Variants in RDH12 observed in about 807,000 individuals in gnomAD.
RDH12 encodes the protein retinol dehydrogenase 12.
A neutral mutation model predicts 34.0 loss-of-function variants in RDH12; 21 were observed. That is an observed-to-expected ratio of 0.62 (90% CI 0.44 to 0.89). The LOEUF (loss-of-function observed/expected upper bound fraction) is 0.89. Among genes scored for constraint, RDH12 ranks in the 40% least tolerant of loss-of-function variants. The pLI, the probability that RDH12 is intolerant of heterozygous loss-of-function variation, is 0.00. For missense variants in RDH12, 394 were observed against 398.6 expected, an observed-to-expected ratio of 0.99 and a Z score of 0.10; for synonymous variants, 198 against 169.9, an observed-to-expected ratio of 1.17 and a Z score of -1.29.
chr14:67,702,921 C>T (rs868795734), intron 1 of RDH12, among the ~76,000 whole-genome samples: 6 of 152,196 alleles, frequency 3.9e-5, no homozygotes, highest in African/African-American at 1.4e-4. Context: ...TCAAGTGATT[C>T]TCCCACCTCA....
chr14:67,729,181 T>C lies in RDH12; in HGVS notation c.659-10T>C, dbSNP rs754817805. On this transcript the variant is annotated splice_polypyrimidine_tract_variant and intron_variant, in intron 7 of 8. Coordinates refer to ENST00000551171, the MANE Select transcript of RDH12 (RefSeq NM_152443.3). ...GTGTCCCTGATCTAATTGTGCCCTC[T>C]TTGTCCCAGGCACCGGGGTCACCAC... 20 of 1,612,826 alleles carry C rather than the reference T, an allele frequency of 1.2e-5. No homozygotes were observed. The Admixed American group carries it at 1.3e-4, about 11-fold the overall frequency.
intron 7 of RDH12, 109 bp downstream of exon 7, chr14:67,727,299 T>A: frequency 1.2e-6 from 1 of 808,508 alleles, no homozygotes; most frequent in Non-Finnish European, 2.1e-6. Flanking sequence ...GTAATATCTC[T>A]GTGGACTAAG....
At chr14:67,718,607 T>A (rs2038091737) in intron 1 of RDH12, among the ~76,000 whole-genome samples, 1 of 152,208 alleles carries the variant, frequency 6.6e-6, no homozygotes, top group South Asian at 2.1e-4. Flanking sequence ...CTCAAAGGTG[T>A]TGCAAGTGAT....
At chr14:67,704,789 A>C (rs2140103976) in intron 1 of RDH12, among the ~76,000 whole-genome samples, 1 of 152,350 alleles carries the variant, frequency 6.6e-6, no homozygotes, top group South Asian at 2.1e-4. Flanking sequence ...TCATAGCAGC[A>C]GCTCTCGTTC....
intron 8 of RDH12, among the ~76,000 whole-genome samples, chr14:67,732,881 G>A (rs4899221): frequency 0.12 from 17,963 of 152,054 alleles, 1,095 homozygotes; most frequent in Admixed American, 0.14. Flanking sequence ...GTGCCCAGCC[G>A]TGATAGGCTT....
rs187839785 is a variant in RDH12, at chr14:67,733,421, G to A, written c.849-325G>A. Among the ~76,000 whole-genome samples, 7 of 152,226 alleles carry A rather than the reference G, an allele frequency of 4.6e-5. No homozygotes were observed. The East Asian group carries it at 9.6e-4, about 21-fold the overall frequency. Reference sequence around the variant, plus strand: ...GATACCTGTGACTTTGTCACCAATAGAATTATAAATATTTTTATATCACAT... The same window carrying A: ...GATACCTGTGACTTTGTCACCAATAAAATTATAAATATTTTTATATCACAT... On this transcript the variant is annotated intron_variant, in intron 8 of 8. Coordinates refer to ENST00000551171, the MANE Select transcript of RDH12 (RefSeq NM_152443.3).
intron 8 of RDH12, among the ~76,000 whole-genome samples, chr14:67,732,273 A>G (rs1032484908): frequency 6.6e-6 from 1 of 151,912 alleles, no homozygotes; most frequent in African/African-American, 2.4e-5. Flanking sequence ...CCCCATCTCT[A>G]CTAAAAATCA....
intron 1 of RDH12, among the ~76,000 whole-genome samples, chr14:67,718,314 G>C (rs1208873442): frequency 6.6e-6 from 1 of 152,224 alleles, no homozygotes; most frequent in Non-Finnish European, 1.5e-5. Flanking sequence ...AGGAGGAAGG[G>C]AGGAAGAGAA....
rs1269291305 is a variant in RDH12, at chr14:67,726,982, C to A, written c.450C>A (p.Gly150=). 1 of 1,612,300 alleles carries A rather than the reference C, an allele frequency of 6.2e-7. No individual in the cohort carries two copies. Residue 150 remains glycine (G), a splice_region_variant and synonymous_variant, in exon 7 of 9, where the codon GGC becomes GGA. Coordinates refer to ENST00000551171, the MANE Select transcript of RDH12 (RefSeq NM_152443.3). The part of the protein sequence containing the change: ...FETHLGVNHL[G]HFLLTYLLLE... ...CTTCCCTGCTGGCTCTCCTCACAGG[C>A]CACTTCCTCCTCACCTACCTGCTCC...
chr14:67,724,376 T>G, intron 3 of RDH12, 97 bp from the exon 4 acceptor site: 1 of 931,942 alleles, frequency 1.1e-6, no homozygotes, highest in Non-Finnish European at 1.7e-6. Flanking sequence ...GATACCCTTC[T>G]TTGAGGCTGG....
chr14:67,712,493 C>CAAAAAAAAAAAAAAAAAAAAA (rs79758974), intron 1 of RDH12, among the ~76,000 whole-genome samples: 1 of 38,928 alleles, frequency 2.6e-5, no homozygotes, highest in Non-Finnish European at 7.5e-5. Flanking sequence ...AAAAAACTTG[C>CAAAAAAAAAAAAAAAAAAAAA]AAAAAAAAAA....
intron 1 of RDH12, among the ~76,000 whole-genome samples, chr14:67,716,938 C>A (rs1594862056): frequency 6.6e-6 from 1 of 151,526 alleles, no homozygotes; most frequent in African/African-American, 2.4e-5. Context: ...AACCTAGATT[C>A]TACATTAACA....
chr14:67,726,103 A>G lies in RDH12; in HGVS notation c.396A>G (p.Pro132=). The G allele has an allele frequency of 6.2e-7, 1 of 1,614,160 alleles. No individual in the cohort carries two copies. Among genetic ancestry groups the G allele is most frequent in the Admixed American group, 1.7e-5 (1 of 60,024 alleles). ...ACAATGCGGGAGTAATGATGTGTCC[A>G]TATTCCAAGACAGCTGATGGCTTTG... ...LINNAGVMMC[P]YSKTADGFET... is the part of the protein sequence containing the mutation. Residue 132 remains proline (P), a synonymous_variant, in exon 6 of 9, where the codon CCA becomes CCG. Transcript: ENST00000551171.
intron 3 of RDH12, among the ~76,000 whole-genome samples, chr14:67,723,229 G>C (rs1025855457): frequency 3.9e-5 from 6 of 152,170 alleles, no homozygotes; most frequent in African/African-American, 1.4e-4. Flanking sequence ...TGTGTTCTGA[G>C]TGGAGAATTT....
chr14:67,709,057 C>T (rs1361773388), intron 1 of RDH12, among the ~76,000 whole-genome samples: 4 of 152,170 alleles, frequency 2.6e-5, no homozygotes, highest in Non-Finnish European at 5.9e-5. Flanking sequence ...TCCCAAAGTG[C>T]TGGGATTACA....
At position 67,733,873 on chromosome 14, in the gene RDH12, C is replaced by G. The variant is rs767104580; in HGVS notation, c.*25C>G. 1.8e-5 allele frequency: 28 copies of G among 1,533,738 alleles called. No homozygotes were observed. On this transcript the variant is annotated 3_prime_UTR_variant, in exon 9 of 9. Transcript: ENST00000551171. ...GCTGGTGGAAGAGCTGCAGCTTTAT[C>G]AGGCCCAATCCATGCCATAATGAAC...
intron 1 of RDH12, among the ~76,000 whole-genome samples, chr14:67,706,541 T>C (rs982652264): frequency 2.6e-5 from 4 of 152,086 alleles, no homozygotes; most frequent in Non-Finnish European, 5.9e-5. Context: ...AAGCATGGAA[T>C]GGGCTTCCAG....
At chr14:67,730,149 T>C (rs2038250702) in intron 8 of RDH12, among the ~76,000 whole-genome samples, 1 of 152,252 alleles carries the variant, frequency 6.6e-6, no homozygotes, top group South Asian at 2.1e-4. Context: ...ATCACAACCC[T>C]GCGAGGCAGG....
intron 8 of RDH12, 38 bp downstream of exon 8, chr14:67,729,418 T>C (rs1594867662): frequency 1.3e-6 from 2 of 1,576,642 alleles, no homozygotes; most frequent in Non-Finnish European, 8.6e-7. Context: ...ACCACCTGTG[T>C]GCATGGGAGG....
Sources: gnomAD v4.1 joint callset for allele counts (sites outside exome capture counted in the v4.1 genomes callset) on GRCh38, gnomAD v4.1.1 for gene constraint, MANE v1.5 for transcripts, NCBI Gene and HGNC (gene_info 2026-07-23, HGNC 2026-07-21) for gene names.